Variants in MAPK10 observed in about 807,000 individuals in gnomAD.
MAPK10 encodes the protein mitogen-activated protein kinase 10.
MAPK10 carries 25 observed loss-of-function variants against 59.3 expected under a neutral mutation model. That is an observed-to-expected ratio of 0.42 (90% confidence interval 0.31 to 0.59). The LOEUF is 0.59. Among genes scored for constraint, MAPK10 ranks in the 20% least tolerant of loss-of-function variants. MAPK10 has a pLI of 0.15. For synonymous variants in MAPK10, 190 were observed against 200.5 expected (o/e 0.95, Z 0.44); for missense variants, 351 against 568.9 (o/e 0.62, Z 3.90).
chr4:86,032,435 AAAG>A (rs1292583489), intron 11 of MAPK10: 2 of 152,198 alleles, frequency 1.3e-5, no homozygotes, highest in East Asian at 3.9e-4. Flanking sequence ...GTTTAAGCGC[AAAG>A]AAGAGCTATC....
At chr4:86,320,573 G>A (rs1298773532) in intron 2 of MAPK10, among the ~76,000 whole-genome samples, 1 of 152,178 alleles carries the variant, frequency 6.6e-6, no homozygotes, top group Admixed American at 6.5e-5. Context: ...TGTCAGATGA[G>A]TAGGTTGCGA....
At chr4:86,589,841 G>T (rs1762897608) in intron 1 of MAPK10, among the ~76,000 whole-genome samples, 1 of 151,714 alleles carries the variant, frequency 6.6e-6, no homozygotes, top group Non-Finnish European at 1.5e-5. Flanking sequence ...AAAATTAGCT[G>T]GGCATGGTGG....
chr4:86,266,697 G>A (rs2094251250), intron 2 of MAPK10, among the ~76,000 whole-genome samples: 1 of 152,052 alleles, frequency 6.6e-6, no homozygotes, highest in Non-Finnish European at 1.5e-5. Flanking sequence ...AATCATAAAT[G>A]AACCAGAATT....
intron 2 of MAPK10, among the ~76,000 whole-genome samples, chr4:86,319,899 T>A (rs1462211943): frequency 2.0e-5 from 3 of 152,226 alleles, no homozygotes; most frequent in Admixed American, 6.5e-5. Context: ...TCTTCCTCTA[T>A]CTCTCTTTCT....
intron 1 of MAPK10, among the ~76,000 whole-genome samples, chr4:86,544,060 C>T (rs777130262): frequency 6.6e-6 from 1 of 152,086 alleles, no homozygotes; most frequent in Non-Finnish European, 1.5e-5. Flanking sequence ...TAGTGTTGCT[C>T]ATGTGGAGGG....
intron 1 of MAPK10, among the ~76,000 whole-genome samples, chr4:86,490,874 G>A (rs905846483): frequency 6.6e-6 from 1 of 152,234 alleles, no homozygotes; most frequent in Non-Finnish European, 1.5e-5. Flanking sequence ...AAGAAGGAAA[G>A]CAAGGATGAT....
intron 2 of MAPK10, among the ~76,000 whole-genome samples, chr4:86,264,528 A>G (rs1438854136): frequency 2.0e-5 from 3 of 152,244 alleles, no homozygotes; most frequent in African/African-American, 7.2e-5. Flanking sequence ...CTGCCAGAAA[A>G]GACTTCTTAA....
chr4:86,099,019 T>G (rs2054786262), intron 8 of MAPK10: 1 of 160,896 alleles, frequency 6.2e-6, no homozygotes, highest in Non-Finnish European at 1.4e-5. Context: ...TCTATTCAGT[T>G]ACAGAGAATA....
chr4:86,302,591 T>G (rs1476670052), intron 2 of MAPK10, among the ~76,000 whole-genome samples: 1 of 152,208 alleles, frequency 6.6e-6, no homozygotes, highest in East Asian at 1.9e-4. Flanking sequence ...TACTGCTGAT[T>G]TTTAAGTCTA....
intron 2 of MAPK10, among the ~76,000 whole-genome samples, chr4:86,238,005 T>C (rs2092407818): frequency 6.6e-6 from 1 of 152,234 alleles, no homozygotes; most frequent in Non-Finnish European, 1.5e-5. Context: ...TTAATCCATC[T>C]TGAGTTAATT....
At chr4:86,090,304 CT>C (rs2052854355) in intron 9 of MAPK10, 2 of 152,252 alleles carry the variant, frequency 1.3e-5, no homozygotes, top group African/African-American at 4.8e-5. Flanking sequence ...GCTCCACTTA[CT>C]TTTCAAATTA....
intron 2 of MAPK10, among the ~76,000 whole-genome samples, chr4:86,318,402 G>C (rs529512497): frequency 3.3e-5 from 5 of 152,208 alleles, no homozygotes; most frequent in African/African-American, 1.2e-4. Flanking sequence ...TTTTGAACTA[G>C]AGAAAGTTTC....
At chr4:86,563,629 G>A (rs758885495) in intron 1 of MAPK10, among the ~76,000 whole-genome samples, 11 of 152,124 alleles carry the variant, frequency 7.2e-5, no homozygotes, top group Non-Finnish European at 1.2e-4. Flanking sequence ...GTAGATGCCT[G>A]AAACCACGGA....
rs114030030 is a variant in MAPK10 at position 86,016,275 on chromosome 4, C to T, written c.*953G>A. On this transcript the variant is annotated 3_prime_UTR_variant, in exon 14 of 14. Transcript: ENST00000641462. ...TCTAAAACAGGGACACCAGTGTCTC[C>T]TAGTATCTGGGTAATAACCTCCTTT... is the stretch of plus-strand genomic sequence containing the variant. 25 of 152,324 alleles carry T rather than the reference C, an allele frequency of 1.6e-4. No individual in the cohort carries two copies. Among genetic ancestry groups the T allele is most frequent in the African/African-American group, 5.8e-4 (24 of 41,566 alleles). 9.4% of individuals were successfully genotyped at this position (152,324 alleles called of 1,614,324 possible).
chr4:86,406,811 T>A (rs1369659667), intron 1 of MAPK10, among the ~76,000 whole-genome samples: 2 of 152,170 alleles, frequency 1.3e-5, no homozygotes, highest in Non-Finnish European at 2.9e-5. Flanking sequence ...GGCAGCAGGC[T>A]GGACAAGACA....
chr4:86,056,720 C>T (rs961848471), intron 11 of MAPK10, among the ~76,000 whole-genome samples: 2 of 149,864 alleles, frequency 1.3e-5, no homozygotes, highest in African/African-American at 5.0e-5. Context: ...GTGAACTATG[C>T]TCAAAGGCTT....
At chr4:86,427,174 G>A (rs535188009) in intron 1 of MAPK10, among the ~76,000 whole-genome samples, 109 of 150,652 alleles carry the variant, frequency 7.2e-4, no homozygotes, top group Non-Finnish European at 1.0e-3. Flanking sequence ...GGAGAATGGC[G>A]TGAACCCGGG....
chr4:86,384,462 C>G (rs1327700303), intron 1 of MAPK10, among the ~76,000 whole-genome samples: 1 of 152,050 alleles, frequency 6.6e-6, no homozygotes, highest in African/African-American at 2.4e-5. Flanking sequence ...GGTAAGGACT[C>G]CCCCGAACTT....
At chr4:86,351,379 T>C (rs1351864432) in intron 2 of MAPK10, among the ~76,000 whole-genome samples, 1 of 136,266 alleles carries the variant, frequency 7.3e-6, no homozygotes, top group African/African-American at 2.7e-5. Flanking sequence ...TATATATATA[T>C]ACAGTGTGTA....
Sources: gnomAD v4.1 joint callset for allele counts (sites outside exome capture counted in the v4.1 genomes callset) on GRCh38, gnomAD v4.1.1 for gene constraint, MANE v1.5 for transcripts, NCBI Gene and HGNC (gene_info 2026-07-23, HGNC 2026-07-21) for gene names.